NRG3: variants seen among roughly 807,000 people sequenced by gnomAD.
NRG3 encodes neuregulin 3, also known as pro-neuregulin-3, membrane-bound isoform.
Under a neutral mutation model 66.9 loss-of-function variants are expected in NRG3, and 31 were observed. That is an observed-to-expected ratio of 0.46 (90% CI 0.35 to 0.63). The LOEUF (loss-of-function observed/expected upper bound fraction) is 0.63, where lower values mean the gene tolerates loss of function less well. Ranked by LOEUF, NRG3 falls within the 20% of genes least tolerant of loss-of-function variation. The probability of loss-of-function intolerance (pLI) is 0.00; values close to 1 mark genes in which losing one functional copy is unlikely to be tolerated. For synonymous variants in NRG3, 393 were observed against 359.4 expected (o/e 1.09, Z -1.06); for missense variants, 910 against 878.9 (o/e 1.04, Z -0.45).
intron 1 of NRG3, among the ~76,000 whole-genome samples, chr10:82,075,622 T>C (rs1390230876): frequency 6.6e-6 from 1 of 152,162 alleles, no homozygotes; most frequent in South Asian, 2.1e-4. Flanking sequence ...TACAATTTTA[T>C]TTAATATTAA....
intron 2 of NRG3, among the ~76,000 whole-genome samples, chr10:82,566,540 G>A (rs1322126849): frequency 1.3e-5 from 2 of 151,762 alleles, no homozygotes; most frequent in African/African-American, 2.4e-5. Flanking sequence ...ATGGAATTTA[G>A]TTTATAAAGT....
intron 2 of NRG3, among the ~76,000 whole-genome samples, chr10:82,647,509 G>A (rs1389831736): frequency 1.3e-5 from 2 of 152,074 alleles, no homozygotes; most frequent in Admixed American, 1.3e-4. Flanking sequence ...TAGTCCTTTG[G>A]GTATATATCC....
At chr10:82,397,599 A>G (rs1201563128) in intron 2 of NRG3, among the ~76,000 whole-genome samples, 1 of 152,170 alleles carries the variant, frequency 6.6e-6, no homozygotes, top group African/African-American at 2.4e-5. Flanking sequence ...TGCAAAAGCC[A>G]CTGGCCAGCT....
intron 8 of NRG3, 156 bp from the exon 9 acceptor site, chr10:82,984,942 T>C (rs988027724): frequency 2.4e-6 from 3 of 1,245,334 alleles, no homozygotes; most frequent in Admixed American, 1.7e-5. Context: ...AGCTTCAGTT[T>C]ACTTCTCTGT....
intron 1 of NRG3, among the ~76,000 whole-genome samples, chr10:82,091,647 C>G (rs1407412294): frequency 6.6e-6 from 1 of 152,130 alleles, no homozygotes; most frequent in Non-Finnish European, 1.5e-5. Context: ...ATTCGAGTCT[C>G]TGATTTCAAT....
intron 1 of NRG3, among the ~76,000 whole-genome samples, chr10:82,249,788 T>C (rs1384835917): frequency 1.3e-5 from 2 of 152,196 alleles, no homozygotes; most frequent in Non-Finnish European, 2.9e-5. Flanking sequence ...CAATACATTC[T>C]TTCGTCTTTT....
chr10:82,139,195 C>T (rs772570683), intron 1 of NRG3, among the ~76,000 whole-genome samples: 5 of 152,172 alleles, frequency 3.3e-5, no homozygotes, highest in Non-Finnish European at 7.3e-5. Context: ...CAGCCTCTAA[C>T]AAGCAAGCTC....
At chr10:82,338,289 G>T (rs1372222653) in intron 1 of NRG3, among the ~76,000 whole-genome samples, 1 of 147,350 alleles carries the variant, frequency 6.8e-6, no homozygotes, top group Non-Finnish European at 1.5e-5. Context: ...TAGCACATGA[G>T]AAATCCATGA....
chr10:82,339,386 G>A (rs376459294), intron 1 of NRG3, among the ~76,000 whole-genome samples: 15 of 152,220 alleles, frequency 9.9e-5, no homozygotes, highest in African/African-American at 2.9e-4. Context: ...CAATCACGGC[G>A]GAAGGCACCT....
intron 2 of NRG3, among the ~76,000 whole-genome samples, chr10:82,539,842 C>T (rs2043411055): frequency 6.6e-6 from 1 of 152,096 alleles, no homozygotes; most frequent in Non-Finnish European, 1.5e-5. Flanking sequence ...CCATCTTGAC[C>T]AGGCTGGTCT....
At chr10:82,486,064 C>T (rs1244578675) in intron 2 of NRG3, among the ~76,000 whole-genome samples, 7 of 152,100 alleles carry the variant, frequency 4.6e-5, no homozygotes, top group South Asian at 4.1e-4. Context: ...CATCACTAAT[C>T]GTCAGGGAAA....
intron 1 of NRG3, among the ~76,000 whole-genome samples, chr10:82,217,650 T>C (rs191126250): frequency 6.6e-6 from 1 of 152,306 alleles, no homozygotes; most frequent in East Asian, 1.9e-4. Context: ...TCTGCAATAG[T>C]TGCCTAACAG....
intron 3 of NRG3, among the ~76,000 whole-genome samples, chr10:82,752,783 A>G (rs2058924148): frequency 1.3e-5 from 2 of 152,200 alleles, no homozygotes; most frequent in Non-Finnish European, 2.9e-5. Flanking sequence ...GGACACAGCA[A>G]GAAGACGCAG....
intron 2 of NRG3, among the ~76,000 whole-genome samples, chr10:82,664,282 T>A (rs527993207): frequency 7.9e-5 from 12 of 152,328 alleles, no homozygotes; most frequent in African/African-American, 2.9e-4. Context: ...CTCTCCTCCA[T>A]GAGTTTCATC....
chr10:82,358,754 C>G lies in NRG3; in HGVS notation c.839C>G (p.Ser280Cys). The part of the protein sequence containing the change: ...TSPKFHTTTY[S>C]TERSEHFKPC... ...TCCCTGACAGATACGACGACATATT[C>G]CACAGAGCGATCCGAGCACTTCAAA... Residue 280 changes from serine (S) to cysteine (C), a missense_variant, in exon 2 of 9, where the codon TCC becomes TGC. By Grantham distance (112) the Ser-to-Cys change is moderately radical (BLOSUM62 -1). Transcript: ENST00000372141. 1 of 1,614,146 alleles carries G rather than the reference C, an allele frequency of 6.2e-7. No individual in the cohort carries two copies.
intron 1 of NRG3, among the ~76,000 whole-genome samples, chr10:82,188,159 A>G (rs1224156962): frequency 2.0e-5 from 3 of 152,144 alleles, no homozygotes; most frequent in Middle Eastern, 3.2e-3. Flanking sequence ...ACAAATACAC[A>G]CACCTACAGT....
chr10:82,259,530 A>G (rs2077908592), intron 1 of NRG3, among the ~76,000 whole-genome samples: 1 of 152,200 alleles, frequency 6.6e-6, no homozygotes. Flanking sequence ...CTTGTTAAAC[A>G]CAGCCATAGG....
chr10:82,695,415 G>A (rs1048036069), intron 2 of NRG3, among the ~76,000 whole-genome samples: 13 of 152,028 alleles, frequency 8.6e-5, no homozygotes, highest in African/African-American at 2.4e-4. Flanking sequence ...TCACGGAATC[G>A]TTAAATATAA....
intron 2 of NRG3, among the ~76,000 whole-genome samples, chr10:82,620,744 T>A (rs1211266022): frequency 6.6e-6 from 1 of 152,166 alleles, no homozygotes; most frequent in Non-Finnish European, 1.5e-5. Flanking sequence ...GGCTTTTGAC[T>A]TGATGGTGGG....
Sources: allele counts gnomAD v4.1 joint callset (sites outside exome capture counted in the v4.1 genomes callset), GRCh38; gene constraint gnomAD v4.1.1; transcripts MANE v1.5; gene names NCBI Gene and HGNC (gene_info 2026-07-23, HGNC 2026-07-21).